NWD2: variants seen among roughly 807,000 people sequenced by gnomAD.
The protein encoded by NWD2 is NACHT and WD repeat domain containing 2, also known as NACHT and WD repeat domain-containing protein 2.
Under a neutral mutation model 132.7 loss-of-function variants are expected in NWD2, and 37 were observed. The ratio of observed to expected loss-of-function variants is 0.28; its 90% CI spans 0.21 to 0.37. The LOEUF (loss-of-function observed/expected upper bound fraction) is 0.37, where lower values mean the gene tolerates loss of function less well. NWD2 is among the 10% of genes least tolerant of loss of function. NWD2 has a pLI of 1.00. For synonymous variants in NWD2, 705 were observed against 803.0 expected, an observed-to-expected ratio of 0.88 and a Z score of 2.06; for missense variants, 1,592 against 2,122.4, an observed-to-expected ratio of 0.75 and a Z score of 4.91.
chr4:37,402,423 G>A (rs530405244), intron 3 of NWD2, among the ~76,000 whole-genome samples: 1 of 152,238 alleles, frequency 6.6e-6, no homozygotes, highest in African/African-American at 2.4e-5. Context: ...AACAAACATG[G>A]TGATTTATGA....
rs557595129 is a variant in NWD2 at position 37,376,745 on chromosome 4, C to T, written c.357+20263C>T. ...TGTTTAGTGTACAAATAGCCTAAAACATGGTGACTTTTAAAAATATTGGTC... is the reference window on the plus strand; with the variant it reads ...TGTTTAGTGTACAAATAGCCTAAAATATGGTGACTTTTAAAAATATTGGTC... On this transcript the variant is annotated intron_variant, in intron 3 of 6. Coordinates refer to ENST00000309447, the MANE Select transcript of NWD2 (RefSeq NM_001144990.2). Among the ~76,000 whole-genome samples the T allele has an allele frequency of 3.3e-5, 5 of 152,242 alleles. No homozygotes were observed. In the South Asian group the frequency reaches 8.3e-4, roughly 25 times the overall value.
chr4:37,255,519 G>A (rs760142140), intron 1 of NWD2, among the ~76,000 whole-genome samples: 6 of 152,216 alleles, frequency 3.9e-5, no homozygotes, highest in Non-Finnish European at 7.3e-5. Flanking sequence ...GCTGAAATGT[G>A]TTTAATTTAT....
chr4:37,438,950 C>T lies in NWD2; in HGVS notation c.856C>T (p.Pro286Ser). ...ATACATGGATATAACTGGAACAGAA[C>T]CGAGGATTATTCGGGACCCAGAAGC... Reference protein sequence around the residue: ...GKYMDITGTEPRIIRDPEAQE... With the variant: ...GKYMDITGTESRIIRDPEAQE... The change falls in exon 6 of 7, where the codon CCG (proline) becomes TCG (serine). Residue 286 changes from proline (P) to serine (S), a missense_variant. This residue lies in a region of NWD2 where 1,071 missense variants were observed against 1,398.0 expected (regional missense o/e 0.77). Coordinates refer to ENST00000309447, the MANE Select transcript of NWD2 (RefSeq NM_001144990.2). 1.3e-6 allele frequency: 2 copies of T among 1,551,956 alleles called. No individual in the cohort carries two copies. The highest frequency in any genetic ancestry group is 1.7e-6 in the Non-Finnish European group (2 of 1,147,046).
At chr4:37,330,360 G>A (rs1719266545) in intron 2 of NWD2, among the ~76,000 whole-genome samples, 1 of 152,138 alleles carries the variant, frequency 6.6e-6, no homozygotes, top group East Asian at 1.9e-4. Context: ...TATGTTATTT[G>A]ATTTGCAGGT....
chr4:37,445,582 A>G lies in NWD2; in HGVS notation c.3594A>G (p.Ser1198=), dbSNP rs752449320. The change falls in exon 7 of 7, where the codon TCA becomes TCG. Residue 1198 remains serine (S), a synonymous_variant. Coordinates refer to ENST00000309447, the MANE Select transcript of NWD2 (RefSeq NM_001144990.2). This position sits in a 1 kb window ranked among gnomAD's most constrained non-coding sequence, Gnocchi z 4.7. ...GTGAGGTGGTCAGCATTGAGCTTTC[A>G]GAAGACCAAAGTGCAGTTCTGATCT... ...EDSEVVSIEL[S]EDQSAVLICK... 1.9e-6 allele frequency: 3 copies of G among 1,552,162 alleles called. No individual in the cohort carries two copies. The highest frequency in any genetic ancestry group is 1.7e-4 in the Middle Eastern group (1 of 6,020).
At chr4:37,378,616 GGTTT>G (rs1281708600) in intron 3 of NWD2, among the ~76,000 whole-genome samples, 1 of 152,120 alleles carries the variant, frequency 6.6e-6, no homozygotes, top group African/African-American at 2.4e-5. Context: ...TTCCCTGAAT[GGTTT>G]GTTTTTTATT....
intron 3 of NWD2, among the ~76,000 whole-genome samples, chr4:37,397,388 G>A (rs1287382887): frequency 1.3e-5 from 2 of 152,190 alleles, no homozygotes; most frequent in East Asian, 3.9e-4. Flanking sequence ...ATTTTAATCA[G>A]TAGACTTTGA....
At chr4:37,322,155 A>G (rs1719081829) in intron 1 of NWD2, among the ~76,000 whole-genome samples, 1 of 152,198 alleles carries the variant, frequency 6.6e-6, no homozygotes, top group East Asian at 1.9e-4. Flanking sequence ...CTCATTTATT[A>G]ATTGAGCAAG....
chr4:37,286,978 T>C (rs1718245538), intron 1 of NWD2, among the ~76,000 whole-genome samples: 1 of 152,004 alleles, frequency 6.6e-6, no homozygotes, highest in Non-Finnish European at 1.5e-5. Flanking sequence ...ATCCAGGTTC[T>C]CTCATCAGAA....
chr4:37,369,083 C>T (rs1235713899), intron 3 of NWD2, among the ~76,000 whole-genome samples: 1 of 152,124 alleles, frequency 6.6e-6, no homozygotes, highest in African/African-American at 2.4e-5. Flanking sequence ...CCTTAGTCAC[C>T]TGCTGATGCC....
At chr4:37,350,482 T>A (rs1719738204) in intron 2 of NWD2, among the ~76,000 whole-genome samples, 1 of 152,212 alleles carries the variant, frequency 6.6e-6, no homozygotes, top group Non-Finnish European at 1.5e-5. Flanking sequence ...TGGCTCTCTG[T>A]TTCTCTATTA....
rs563775263 is a variant in NWD2, at chr4:37,444,709, C to T, written c.2721C>T (p.Pro907=). The part of the protein sequence containing the change: ...RSIKNKVTAF[P]GSLSAELQQR... ...TCAAAAACAAGGTCACTGCATTTCCCGGCTCCCTTTCAGCAGAGCTTCAGC... is the reference window on the plus strand; with the variant it reads ...TCAAAAACAAGGTCACTGCATTTCCTGGCTCCCTTTCAGCAGAGCTTCAGC... The change falls in exon 7 of 7, where the codon CCC becomes CCT. Residue 907 remains proline, a synonymous_variant. Coordinates refer to ENST00000309447, the MANE Select transcript of NWD2 (RefSeq NM_001144990.2). This position sits in a 1 kb window ranked among gnomAD's most constrained non-coding sequence, Gnocchi z 4.8. The T allele has an allele frequency of 1.2e-4, 185 of 1,552,092 alleles. No homozygotes were observed. The African/African-American group carries it at 2.1e-3, about 18-fold the overall frequency.
chr4:37,428,274 C>G (rs1432125630), intron 3 of NWD2, among the ~76,000 whole-genome samples: 1 of 152,140 alleles, frequency 6.6e-6, no homozygotes, highest in Non-Finnish European at 1.5e-5. Context: ...AATTCACCTT[C>G]CAGTGGATAA....
At position 37,434,022 on chromosome 4, in the gene NWD2, T is replaced by A. The variant is rs1223535586; in HGVS notation, c.706+2T>A. 1 of 1,539,178 alleles carries A rather than the reference T, an allele frequency of 6.5e-7. No homozygotes were observed. The highest frequency in any genetic ancestry group is 8.8e-7 in the Non-Finnish European group (1 of 1,140,970). On this transcript the variant is annotated splice_donor_variant, in intron 5 of 6. Coordinates refer to ENST00000309447, the MANE Select transcript of NWD2 (RefSeq NM_001144990.2). LOFTEE classifies it high-confidence loss of function. ...AGGCTAAGAGGTACCTGTTCTCAGG[T>A]AATTTTCCCATACCTTCAGTAAAAT...
chr4:37,317,545 G>A (rs1656216), intron 1 of NWD2, among the ~76,000 whole-genome samples: 7,222 of 152,214 alleles, frequency 0.047, 508 homozygotes, highest in African/African-American at 0.15. Flanking sequence ...GAGCTGGGGT[G>A]TGAAGGTGTG....
chr4:37,403,055 A>G (rs1032351302), intron 3 of NWD2, among the ~76,000 whole-genome samples: 7 of 152,168 alleles, frequency 4.6e-5, no homozygotes, highest in Non-Finnish European at 1.0e-4. Context: ...GGAGTCACCA[A>G]GAACAAAGTC....
At chr4:37,253,922 A>T (rs1387681392) in intron 1 of NWD2, among the ~76,000 whole-genome samples, 2 of 152,074 alleles carry the variant, frequency 1.3e-5, no homozygotes, top group African/African-American at 4.8e-5. Context: ...TCTTTTTTTT[A>T]TCCATCCTTA....
At chr4:37,409,492 A>G (rs1470158545) in intron 3 of NWD2, among the ~76,000 whole-genome samples, 1 of 152,128 alleles carries the variant, frequency 6.6e-6, no homozygotes, top group Non-Finnish European at 1.5e-5. Flanking sequence ...AAAGACTCCA[A>G]GAAATATGGG....
intron 1 of NWD2, among the ~76,000 whole-genome samples, chr4:37,312,628 T>G (rs1315380156): frequency 6.6e-6 from 1 of 150,898 alleles, no homozygotes; most frequent in Non-Finnish European, 1.5e-5. Context: ...TATTTCCTTC[T>G]TCTGCCTAAT....
Sources: allele counts gnomAD v4.1 joint callset (sites outside exome capture counted in the v4.1 genomes callset), GRCh38; gene constraint gnomAD v4.1.1; regional missense constraint gnomAD v4.1.1; non-coding constraint Gnocchi (gnomAD v3.1); transcripts MANE v1.5; gene names NCBI Gene and HGNC (gene_info 2026-07-23, HGNC 2026-07-21).